The following CLVS1 variants were observed in gnomAD, a reference collection of about 807,000 sequenced individuals.
The protein encoded by CLVS1 is clavesin 1, also known as clavesin-1.
Under a neutral mutation model 33.1 loss-of-function variants are expected in CLVS1, and 10 were observed. The observed-to-expected ratio is 0.30, with a 90% confidence interval of 0.19 to 0.51. The LOEUF (loss-of-function observed/expected upper bound fraction) is 0.51, where lower values mean the gene tolerates loss of function less well. CLVS1 is among the 20% of genes least tolerant of loss of function. The pLI, the probability that CLVS1 is intolerant of heterozygous loss-of-function variation, is 0.97. For missense variants in CLVS1, 343 were observed against 433.4 expected (o/e 0.79, Z 1.85); for synonymous variants, 163 against 166.1 (o/e 0.98, Z 0.14).
chr8:61,397,457 C>G (rs958358722), intron 3 of CLVS1, among the ~76,000 whole-genome samples: 1 of 152,044 alleles, frequency 6.6e-6, no homozygotes. Flanking sequence ...CAAATATTTT[C>G]TCTCATTCTG....
At chr8:61,332,563 C>T (rs1375004785) in intron 2 of CLVS1, among the ~76,000 whole-genome samples, 1 of 152,052 alleles carries the variant, frequency 6.6e-6, no homozygotes, top group African/African-American at 2.4e-5. Flanking sequence ...TCTCTTTGTT[C>T]CCTAAGTTTA....
At chr8:61,251,007 A>C (rs1034742570) in intron 2 of CLVS1, among the ~76,000 whole-genome samples, 1 of 152,206 alleles carries the variant, frequency 6.6e-6, no homozygotes, top group African/African-American at 2.4e-5. Context: ...TTCAAAGGGA[A>C]TGCTTCCAGT....
chr8:61,179,750 A>G (rs1008481047), intron 2 of CLVS1, among the ~76,000 whole-genome samples: 1 of 152,206 alleles, frequency 6.6e-6, no homozygotes, highest in East Asian at 1.9e-4. Context: ...CTCCTGGGTG[A>G]ATAATGAAAT....
At chr8:61,394,966 C>T (rs375553841) in intron 3 of CLVS1, among the ~76,000 whole-genome samples, 1 of 152,266 alleles carries the variant, frequency 6.6e-6, no homozygotes, top group East Asian at 1.9e-4. Context: ...ATCTGTTGGC[C>T]ATTCATATCT....
At chr8:61,358,561 T>C (rs1339488918) in intron 2 of CLVS1, among the ~76,000 whole-genome samples, 1 of 152,126 alleles carries the variant, frequency 6.6e-6, no homozygotes, top group Admixed American at 6.5e-5. Flanking sequence ...GTGGTGAACA[T>C]GATTATAAAG....
chr8:61,305,523 G>A (rs1052178868), intron 2 of CLVS1, among the ~76,000 whole-genome samples: 1 of 152,032 alleles, frequency 6.6e-6, no homozygotes, highest in Non-Finnish European at 1.5e-5. Context: ...TTTTATGGCT[G>A]AATAATATTT....
chr8:61,217,615 C>A (rs1264317210), intron 2 of CLVS1, among the ~76,000 whole-genome samples: 1 of 152,028 alleles, frequency 6.6e-6, no homozygotes, highest in African/African-American at 2.4e-5. Flanking sequence ...TGATTAAGAC[C>A]TCAAAAGCAC....
chr8:61,433,351 G>T (rs936740504), intron 3 of CLVS1, among the ~76,000 whole-genome samples: 1 of 151,932 alleles, frequency 6.6e-6, no homozygotes, highest in Non-Finnish European at 1.5e-5. Context: ...ACATTGTCTC[G>T]GGCTCTCAGT....
chr8:61,100,740 T>C (rs1805433607), intron 1 of CLVS1, among the ~76,000 whole-genome samples: 1 of 152,174 alleles, frequency 6.6e-6, no homozygotes, highest in South Asian at 2.1e-4. Flanking sequence ...TGTTCCCACC[T>C]AGCACCCTCT....
intron 1 of CLVS1, among the ~76,000 whole-genome samples, chr8:61,297,245 C>T (rs1454088002): frequency 2.0e-5 from 3 of 152,084 alleles, no homozygotes; most frequent in Non-Finnish European, 4.4e-5. Flanking sequence ...CAAGGAGTGA[C>T]ATGAGCATAT....
In CLVS1 at chr8:61,376,762, G is replaced by T. The variant is rs534433945; in HGVS notation, c.613G>T (p.Ala205Ser). ...SKLTPSILKL[A>S]IEGLQDSFPA... ...ACTGACACCTTCAATCCTTAAACTG[G>T]CCATTGAAGGGTTGCAGGTATGTTC... Residue 205 changes from alanine (A) to serine (S), a missense_variant, in exon 3 of 6, where the codon GCC (alanine) becomes TCC (serine). Transcript: ENST00000325897. 6.2e-7 allele frequency: 1 copy of T among 1,613,836 alleles called. No individual in the cohort carries two copies. The highest frequency in any genetic ancestry group is 1.1e-5 in the South Asian group (1 of 91,054).
In CLVS1 at chr8:61,499,547, T is replaced by C; in HGVS notation, c.*5T>C. The C allele has an allele frequency of 3.1e-6, 5 of 1,610,768 alleles. No individual in the cohort carries two copies. Among genetic ancestry groups the C allele is most frequent in the Non-Finnish European group, 4.2e-6 (5 of 1,177,196 alleles). On this transcript the variant is annotated 3_prime_UTR_variant, in exon 6 of 6. Coordinates refer to ENST00000325897, the MANE Select transcript of CLVS1 (RefSeq NM_173519.3). ...CCACTCCTGGCTCTGGACTGAACCC[T>C]GAGTCACCCCAATGCTCCTGCACAC... is the stretch of plus-strand genomic sequence containing the variant.
intron 5 of CLVS1, chr8:61,465,405 C>G (rs77209355): frequency 1.1e-4 from 17 of 152,158 alleles, no homozygotes; most frequent in Admixed American, 9.8e-4. Context: ...CCAAGACTCC[C>G]GGAACTCTCA....
intron 2 of CLVS1, among the ~76,000 whole-genome samples, chr8:61,222,235 G>A (rs1055597890): frequency 6.6e-6 from 1 of 151,678 alleles, no homozygotes; most frequent in African/African-American, 2.4e-5. Flanking sequence ...TTTTGGATTT[G>A]TTTGCTCTTG....
At chr8:61,401,186 G>A (rs766703056) in intron 3 of CLVS1, among the ~76,000 whole-genome samples, 1 of 150,788 alleles carries the variant, frequency 6.6e-6, no homozygotes, top group Non-Finnish European at 1.5e-5. Context: ...GGATTCCTGA[G>A]GATTTTATAC....
chr8:61,202,685 G>T, intron 2 of CLVS1: 1 of 1,540,300 alleles, frequency 6.5e-7, no homozygotes. Context: ...GTGCATATTA[G>T]TGGACAGCAC....
intron 2 of CLVS1, among the ~76,000 whole-genome samples, chr8:61,361,798 T>C (rs1812992028): frequency 6.6e-6 from 1 of 152,178 alleles, no homozygotes; most frequent in Non-Finnish European, 1.5e-5. Context: ...ATTAATATTA[T>C]AAAAGAAATG....
chr8:61,405,815 A>C (rs1814964705), intron 3 of CLVS1, among the ~76,000 whole-genome samples: 1 of 151,714 alleles, frequency 6.6e-6, no homozygotes, highest in African/African-American at 2.4e-5. Context: ...AAATGACCAC[A>C]CAGTGAAAAT....
At chr8:61,061,019 G>T (rs1425211385) in intron 1 of CLVS1, among the ~76,000 whole-genome samples, 1 of 152,142 alleles carries the variant, frequency 6.6e-6, no homozygotes, top group East Asian at 1.9e-4. Context: ...CTGCAGACTT[G>T]ATGACCAGAC....
Sources: gnomAD v4.1 joint callset for allele counts (sites outside exome capture counted in the v4.1 genomes callset) on GRCh38, gnomAD v4.1.1 for gene constraint, MANE v1.5 for transcripts, NCBI Gene and HGNC (gene_info 2026-07-23, HGNC 2026-07-21) for gene names.